CSTF1: variants seen among roughly 807,000 people sequenced by gnomAD.
CSTF1 encodes cleavage stimulation factor subunit 1.
CSTF1 carries 2 observed loss-of-function variants against 40.9 expected under a neutral mutation model. The observed-to-expected ratio is 0.05, with a 90% CI of 0.02 to 0.15. CSTF1 has a LOEUF of 0.15. Ranked by LOEUF, CSTF1 falls within the 10% of genes least tolerant of loss-of-function variation. The pLI, the probability that CSTF1 is intolerant of heterozygous loss-of-function variation, is 1.00. For missense variants in CSTF1, 279 were observed against 558.9 expected, an observed-to-expected ratio of 0.50 and a Z score of 5.05; for synonymous variants, 218 against 207.2, an observed-to-expected ratio of 1.05 and a Z score of -0.45.
In CSTF1 at chr20:56,403,575, G is replaced by A; in HGVS notation, c.1144G>A (p.Asp382Asn). The A allele has an allele frequency of 6.2e-7, 1 of 1,614,106 alleles. No individual in the cohort carries two copies. The highest frequency in any genetic ancestry group is 8.5e-7 in the Non-Finnish European group (1 of 1,180,016). Residue 382 changes from aspartate (D) to asparagine (N), a missense_variant, in exon 6 of 6, where the codon GAC (aspartate) becomes AAC (asparagine). Coordinates refer to ENST00000217109, the MANE Select transcript of CSTF1 (RefSeq NM_001324.3). ...GAGGACGATCAGTCTTTGCTGCTGG[G>A]ACTCGAGGACAGCCGAGCGGAGAAA... Reference protein sequence around the residue: ...DERTISLCCWDSRTAERRNLL... With the variant: ...DERTISLCCWNSRTAERRNLL...
At chr20:56,394,619 CTTTTAT>C in intron 1 of CSTF1, among the ~76,000 whole-genome samples, 1 of 152,326 alleles carries the variant, frequency 6.6e-6, no homozygotes, top group South Asian at 2.1e-4. Context: ...TCTGAGGTCA[CTTTTAT>C]TCTTTATTGC....
chr20:56,399,300 G>A lies in CSTF1; in HGVS notation c.979G>A (p.Asp327Asn). The change falls in exon 5 of 6, where the codon GAC (aspartate) becomes AAC (asparagine). Residue 327 changes from aspartate (D) to asparagine (N), a missense_variant. Asp to Asn is a conservative substitution (Grantham distance 23). Around this residue, in one of 4 missense-constraint regions of CSTF1, gnomAD observed 162 missense variants for 337.1 expected, o/e 0.48. Coordinates refer to ENST00000217109, the MANE Select transcript of CSTF1 (RefSeq NM_001324.3). The surrounding 1 kb of genome is among the most constrained non-coding windows in gnomAD (Gnocchi z 4.6). ...NSKYILSSGK[D>N]SVAKLWEIST... ...TAAATACATTCTCTCAAGTGGAAAA[G>A]ACTCTGTAGCTAAACTTTGGGAAAT... 1 of 1,613,990 alleles carries A rather than the reference G, an allele frequency of 6.2e-7. No individual in the cohort carries two copies. Among genetic ancestry groups the A allele is most frequent in the Non-Finnish European group, 8.5e-7 (1 of 1,179,902 alleles).
Position 56,397,458 on chromosome 20 carries a change from T to C in CSTF1, c.421T>C (p.Leu141=), listed in dbSNP as rs138767968. The C allele has an allele frequency of 4.3e-4, 688 of 1,613,948 alleles. 4 individuals are homozygous for C. The African/African-American group carries it at 7.1e-3, about 17-fold the overall frequency. Residue 141 remains leucine, a synonymous_variant, in exon 3 of 6, where the codon TTG becomes CTG. Transcript: ENST00000217109. This position sits in a 1 kb window ranked among gnomAD's most constrained non-coding sequence, Gnocchi z 4.4. ...SIKILDTERM[L]AKSAMPIEVM... ...AAAGATACTTGACACAGAGAGGATG[T>C]TGGCCAAAAGTGCCATGCCAATAGA...
At chr20:56,392,962 A>G (rs978727441) in intron 1 of CSTF1, 1 of 152,010 alleles carries the variant, frequency 6.6e-6, no homozygotes, top group Admixed American at 6.6e-5. Flanking sequence ...GTGAGGGGGC[A>G]TCTGTGTTCT....
At position 56,405,525 on chromosome 20, in the gene CSTF1, C is replaced by T. The variant is rs753268091; in HGVS notation, c.*1798C>T. ...CGCGCGGCCCCATCATACGAAGTTA[C>T]TGAAGTTATTGCGTAAACATTCTGT... On this transcript the variant is annotated 3_prime_UTR_variant, in exon 6 of 6. Transcript: ENST00000217109. The T allele has an allele frequency of 2.0e-5, 3 of 152,184 alleles. No individual in the cohort carries two copies. Among genetic ancestry groups the T allele is most frequent in the Non-Finnish European group, 4.4e-5 (3 of 68,008 alleles). 9.4% of individuals were successfully genotyped at this position (152,184 alleles called of 1,614,324 possible).
rs1029365669 is a variant in CSTF1 at position 56,405,970 on chromosome 20, G to A, written c.*2243G>A. The A allele has an allele frequency of 3.3e-5, 5 of 152,166 alleles. No homozygotes were observed. Among genetic ancestry groups the A allele is most frequent in the Admixed American group, 1.3e-4 (2 of 15,278 alleles). The allele number at this position is 152,166 out of a possible 1,614,324, so 9.4% of individuals were successfully genotyped here. On this transcript the variant is annotated 3_prime_UTR_variant, in exon 6 of 6. Transcript: ENST00000217109. ...CATGGCACTCCATTGAATCTTTTCA[G>A]TTGTTCACGAATTAAAATAATGCCC...
Position 56,403,822 on chromosome 20 carries a change from C to A in CSTF1, c.*95C>A. Reference sequence around the variant, plus strand: ...TCGTAAGTCCGTGCACCATCCTTGACGTTTTGCTGCCACCTCTGTCCACAT... The same window carrying A: ...TCGTAAGTCCGTGCACCATCCTTGAAGTTTTGCTGCCACCTCTGTCCACAT... On this transcript the variant is annotated 3_prime_UTR_variant, in exon 6 of 6. Coordinates refer to ENST00000217109, the MANE Select transcript of CSTF1 (RefSeq NM_001324.3). The A allele has an allele frequency of 8.0e-7, 1 of 1,243,240 alleles. No individual in the cohort carries two copies. The highest frequency in any genetic ancestry group is 1.1e-6 in the Non-Finnish European group (1 of 885,486). The allele number at this position is 1,243,240 out of a possible 1,614,324, so 77.0% of individuals were successfully genotyped here. A position where few individuals can be genotyped will look rare whatever the true frequency, so the allele number is the denominator to read the frequency against.
chr20:56,393,188 G>GTGTA (rs1555858130), intron 1 of CSTF1, among the ~76,000 whole-genome samples: 44 of 150,856 alleles, frequency 2.9e-4, no homozygotes, highest in Middle Eastern at 3.4e-3. Flanking sequence ...GTGTGTGTGT[G>GTGTA]TATGTACACC....
rs1244907849 is a variant in CSTF1, at chr20:56,404,073, T to C, written c.*346T>C. 4.8e-6 allele frequency: 1 copy of C among 207,504 alleles called. No individual in the cohort carries two copies. The highest frequency in any genetic ancestry group is 9.8e-6 in the Non-Finnish European group (1 of 101,642). 12.9% of individuals were successfully genotyped at this position (207,504 alleles called of 1,614,324 possible). ...GAGGAATTTTCATTTGGTTCTTCTGTCAACTTTCTTGCTTATTCTGCTGAA... is the reference window on the plus strand; with the variant it reads ...GAGGAATTTTCATTTGGTTCTTCTGCCAACTTTCTTGCTTATTCTGCTGAA... On this transcript the variant is annotated 3_prime_UTR_variant, in exon 6 of 6. Coordinates refer to ENST00000217109, the MANE Select transcript of CSTF1 (RefSeq NM_001324.3).
chr20:56,398,811 C>G (rs1354500993), intron 4 of CSTF1, among the ~76,000 whole-genome samples, 156 bp from the exon 5 acceptor site: 1 of 152,168 alleles, frequency 6.6e-6, no homozygotes, highest in African/African-American at 2.4e-5. Context: ...AAAATACTTT[C>G]ATATGTTCCA....
rs948721850 is a variant in CSTF1 at position 56,397,080 on chromosome 20, A to G, written c.170-127A>G. 3 of 975,620 alleles carry G rather than the reference A, an allele frequency of 3.1e-6. No individual in the cohort carries two copies. In the African/African-American group the frequency reaches 4.9e-5, roughly 16 times the overall value. 60.4% of individuals were successfully genotyped at this position (975,620 alleles called of 1,614,324 possible). A position where few individuals can be genotyped will look rare whatever the true frequency, so the allele number is the denominator to read the frequency against. On this transcript the variant is annotated intron_variant, in intron 2 of 5. Transcript: ENST00000217109. The surrounding 1 kb of genome is among the most constrained non-coding windows in gnomAD (Gnocchi z 4.4). ...ACAGTTTTGTAAAGTGTTAGGTGTC[A>G]CGCGGCTCCAAGAAATAGGAGGTTG...
chr20:56,403,565 T>C lies in CSTF1; in HGVS notation c.1134T>C (p.Leu378=). The change falls in exon 6 of 6, where the codon CTT becomes CTC. Residue 378 remains leucine, a synonymous_variant. Transcript: ENST00000217109. ...VLLPDERTIS[L]CCWDSRTAER... The stretch of plus-strand genomic sequence containing the variant: ...TGCCCGACGAGAGGACGATCAGTCT[T>C]TGCTGCTGGGACTCGAGGACAGCCG... 1 of 1,614,132 alleles carries C rather than the reference T, an allele frequency of 6.2e-7. No individual in the cohort carries two copies. The highest frequency in any genetic ancestry group is 8.5e-7 in the Non-Finnish European group (1 of 1,180,012).
chr20:56,405,589 G>C lies in CSTF1; in HGVS notation c.*1862G>C, dbSNP rs1314890024. 1 of 152,186 alleles carries C rather than the reference G, an allele frequency of 6.6e-6. No homozygotes were observed. The highest frequency in any genetic ancestry group is 2.4e-5 in the African/African-American group (1 of 41,426). 9.4% of individuals were successfully genotyped at this position (152,186 alleles called of 1,614,324 possible). ...GAGGATCGTTTTAACTCCTTGATCTGTAAAACTGTCTTAAGCATCTTAACA... is the reference window on the plus strand; with the variant it reads ...GAGGATCGTTTTAACTCCTTGATCTCTAAAACTGTCTTAAGCATCTTAACA... On this transcript the variant is annotated 3_prime_UTR_variant, in exon 6 of 6. Coordinates refer to ENST00000217109, the MANE Select transcript of CSTF1 (RefSeq NM_001324.3).
rs755082673 is a variant in CSTF1, at chr20:56,403,601, C to T, written c.1170C>T (p.Asn390=). ...CWDSRTAERR[N]LLSLGHNNIV... ...ACTCGAGGACAGCCGAGCGGAGAAA[C>T]CTGCTGTCGTTGGGGCACAACAATA... The change falls in exon 6 of 6, where the codon AAC becomes AAT. Residue 390 remains asparagine, a synonymous_variant. Coordinates refer to ENST00000217109, the MANE Select transcript of CSTF1 (RefSeq NM_001324.3). 6 of 1,613,970 alleles carry T rather than the reference C, an allele frequency of 3.7e-6. No individual in the cohort carries two copies. The highest frequency in any genetic ancestry group is 8.5e-7 in the Non-Finnish European group (1 of 1,180,030).
At chr20:56,398,759 A>G (rs1414278099) in intron 4 of CSTF1, among the ~76,000 whole-genome samples, 8 of 152,236 alleles carry the variant, frequency 5.3e-5, no homozygotes, top group Non-Finnish European at 5.9e-5. Flanking sequence ...AGTTTTTGGA[A>G]TAATATAACC....
Position 56,404,315 on chromosome 20 carries a change from T to C in CSTF1, c.*588T>C, listed in dbSNP as rs1204663201. On this transcript the variant is annotated 3_prime_UTR_variant, in exon 6 of 6. Coordinates refer to ENST00000217109, the MANE Select transcript of CSTF1 (RefSeq NM_001324.3). The stretch of plus-strand genomic sequence containing the variant: ...TAATGGCCAGTTTTTCCTGACAATT[T>C]ATAGGAACAGTATCTTTCAACATAC... 6.6e-6 allele frequency: 1 copy of C among 152,506 alleles called. No individual in the cohort carries two copies. Among genetic ancestry groups the C allele is most frequent in the Non-Finnish European group, 1.5e-5 (1 of 68,248 alleles). The allele number at this position is 152,506 out of a possible 1,614,324, so 9.4% of individuals were successfully genotyped here.
chr20:56,403,945 G>A lies in CSTF1; in HGVS notation c.*218G>A. On this transcript the variant is annotated 3_prime_UTR_variant, in exon 6 of 6. Transcript: ENST00000217109. ...AGATCTGTGCAGTTCTACATTCACT[G>A]ATTATTACAGTGTGATTTTCATCGG... 4.0e-6 allele frequency: 2 copies of A among 503,100 alleles called. No homozygotes were observed. Among genetic ancestry groups the A allele is most frequent in the Middle Eastern group, 5.1e-4 (1 of 1,974 alleles). The allele number at this position is 503,100 out of a possible 1,614,324, so 31.2% of individuals were successfully genotyped here. A position where few individuals can be genotyped will look rare whatever the true frequency, so the allele number is the denominator to read the frequency against.
chr20:56,401,284 A>G (rs1978439766), intron 5 of CSTF1, among the ~76,000 whole-genome samples: 1 of 152,174 alleles, frequency 6.6e-6, no homozygotes. Flanking sequence ...AAAGGAGCCA[A>G]AGGACAGGGG....
In CSTF1 at chr20:56,404,031, T is replaced by C. The variant is rs2146251092; in HGVS notation, c.*304T>C. ...TCTTGATTGAAGGAGGATAGGGCAT[T>C]AAAGTGCTTTTGACATGAGGAATTT... On this transcript the variant is annotated 3_prime_UTR_variant, in exon 6 of 6. Transcript: ENST00000217109. 3.7e-6 allele frequency: 1 copy of C among 273,064 alleles called. No individual in the cohort carries two copies. Among genetic ancestry groups the C allele is most frequent in the Middle Eastern group, 1.2e-3 (1 of 866 alleles). The allele number at this position is 273,064 out of a possible 1,614,324, so 16.9% of individuals were successfully genotyped here.
Sources: allele counts gnomAD v4.1 joint callset (sites outside exome capture counted in the v4.1 genomes callset), GRCh38; gene constraint gnomAD v4.1.1; regional missense constraint gnomAD v4.1.1; non-coding constraint Gnocchi (gnomAD v3.1); transcripts MANE v1.5; gene names NCBI Gene and HGNC (gene_info 2026-07-23, HGNC 2026-07-21).